Variants in LUC7L3 observed in about 807,000 individuals in gnomAD.
LUC7L3 encodes the protein luc7-like protein 3.
LUC7L3 carries 6 observed loss-of-function variants against 66.8 expected under a neutral mutation model. That is an observed-to-expected ratio of 0.09 (90% CI 0.05 to 0.18). LUC7L3 has a LOEUF of 0.18. LUC7L3 is among the 10% of genes least tolerant of loss of function. The probability of loss-of-function intolerance (pLI) is 1.00; values close to 1 mark genes in which losing one functional copy is unlikely to be tolerated. For missense variants in LUC7L3, 341 were observed against 531.1 expected (o/e 0.64, Z 3.52); for synonymous variants, 160 against 174.7 (o/e 0.92, Z 0.66).
At chr17:50,732,427 G>C (rs561385050) in intron 1 of LUC7L3, among the ~76,000 whole-genome samples, 3 of 152,174 alleles carry the variant, frequency 2.0e-5, no homozygotes, top group African/African-American at 4.8e-5. Flanking sequence ...TTTCACCCAG[G>C]CTGAAGTGCA....
rs993127926 is a variant in LUC7L3 at position 50,755,693 on chromosome 17, T to A, written c.*5032T>A. ...ATAAGTGGGTGTGCCATAACCTCTC[T>A]CGTAGCCATTCATTCCCGGATACAT... is the stretch of plus-strand genomic sequence containing the variant. On this transcript the variant is annotated 3_prime_UTR_variant, in exon 10 of 10. Coordinates refer to ENST00000505658, the MANE Select transcript of LUC7L3 (RefSeq NM_016424.5). The A allele has an allele frequency of 6.6e-6, 1 of 152,206 alleles. No homozygotes were observed. Among genetic ancestry groups the A allele is most frequent in the African/African-American group, 2.4e-5 (1 of 41,446 alleles). The allele number at this position is 152,206 out of a possible 1,614,324, so 9.4% of individuals were successfully genotyped here. A position where few individuals can be genotyped will look rare whatever the true frequency, so the allele number is the denominator to read the frequency against.
chr17:50,750,557 C>CT lies in LUC7L3; in HGVS notation c.1195_1196insT (p.Gln399LeufsTer3). 6.2e-7 allele frequency: 1 copy of CT among 1,613,928 alleles called. No homozygotes were observed. The highest frequency in any genetic ancestry group is 8.5e-7 in the Non-Finnish European group (1 of 1,179,968). On this transcript the variant is annotated frameshift_variant, in exon 10 of 10. Transcript: ENST00000505658. LOFTEE classifies it high-confidence loss of function. The stretch of plus-strand genomic sequence containing the variant: ...TGTGAAGTCCGGTAGTCGAGAAAAG[C>CT]AGAGTGAAGACACAAACACTGAATC...
intron 1 of LUC7L3, among the ~76,000 whole-genome samples, chr17:50,735,739 C>G (rs914424362): frequency 6.6e-6 from 1 of 152,164 alleles, no homozygotes; most frequent in Non-Finnish European, 1.5e-5. Context: ...CTAAAGTTAT[C>G]CTCCTGCCTT....
chr17:50,740,235 C>A, intron 2 of LUC7L3, 71 bp from the exon 3 acceptor site: 4 of 1,139,618 alleles, frequency 3.5e-6, no homozygotes, highest in South Asian at 2.8e-5. Context: ...AGAAAAATAA[C>A]TCTTTTTTTT....
intron 8 of LUC7L3, among the ~76,000 whole-genome samples, chr17:50,746,222 TTTACA>T: frequency 6.6e-6 from 1 of 152,190 alleles, no homozygotes; most frequent in Non-Finnish European, 1.5e-5. Context: ...ACCCAACCTT[TTTACA>T]AAGTTAGAGT....
intron 7 of LUC7L3, among the ~76,000 whole-genome samples, chr17:50,745,378 ATATTC>A (rs1306616460): frequency 2.0e-5 from 3 of 152,310 alleles, no homozygotes; most frequent in Middle Eastern, 3.4e-3. Context: ...AAAAATAACT[ATATTC>A]TAATATGGCT....
intron 1 of LUC7L3, among the ~76,000 whole-genome samples, chr17:50,735,519 C>T (rs1367540594): frequency 1.5e-5 from 2 of 136,198 alleles, no homozygotes; most frequent in African/African-American, 3.2e-5. Flanking sequence ...TTCTTTTTTT[C>T]AAGACAGGGT....
At chr17:50,744,626 T>C (rs1481224903) in intron 6 of LUC7L3, 26 bp from the exon 7 acceptor site, 1 of 1,596,668 alleles carries the variant, frequency 6.3e-7, no homozygotes, top group Admixed American at 1.8e-5. Context: ...TCAGATGTTC[T>C]TAAAATAACT....
chr17:50,751,895 G>A lies in LUC7L3; in HGVS notation c.*1234G>A. 9.8e-7 allele frequency: 1 copy of A among 1,017,448 alleles called. No homozygotes were observed. The highest frequency in any genetic ancestry group is 1.2e-6 in the Non-Finnish European group (1 of 849,112). 63.0% of individuals were successfully genotyped at this position (1,017,448 alleles called of 1,614,324 possible). ...TTAAAACCTGTAAACTTCATTCTGT[G>A]GGCTAGTGGTGTGGGACAAAATATT... On this transcript the variant is annotated 3_prime_UTR_variant, in exon 10 of 10. Transcript: ENST00000505658.
In LUC7L3 at chr17:50,719,681, T is replaced by A; in HGVS notation, c.-52T>A. 6.7e-7 allele frequency: 1 copy of A among 1,495,154 alleles called. No individual in the cohort carries two copies. The highest frequency in any genetic ancestry group is 9.2e-7 in the Non-Finnish European group (1 of 1,083,628). 92.6% of individuals were successfully genotyped at this position (1,495,154 alleles called of 1,614,324 possible). On this transcript the variant is annotated 5_prime_UTR_variant, in exon 1 of 10. Transcript: ENST00000505658. The stretch of plus-strand genomic sequence containing the variant: ...AGATTGGCGACGGTGTCGCCCGTGT[T>A]TTCGTTGGCGGGTGCCTGGGCTGGT...
intron 5 of LUC7L3, among the ~76,000 whole-genome samples, chr17:50,742,956 AAAG>A (rs1451404842): frequency 6.6e-6 from 1 of 152,210 alleles, no homozygotes; most frequent in Non-Finnish European, 1.5e-5. Flanking sequence ...AGGCTGAGTG[AAAG>A]AAGCCGGACA....
intron 1 of LUC7L3, among the ~76,000 whole-genome samples, chr17:50,735,574 T>C (rs1237598123): frequency 6.6e-6 from 1 of 152,038 alleles, no homozygotes; most frequent in African/African-American, 2.4e-5. Context: ...AGCACAATCA[T>C]GGCTCATTGC....
intron 7 of LUC7L3, 61 bp downstream of exon 7, chr17:50,744,874 C>A: frequency 1.4e-6 from 2 of 1,386,984 alleles, no homozygotes; most frequent in Admixed American, 2.1e-5. Context: ...TGCAGTGACG[C>A]GATCTCAGCT....
chr17:50,741,277 G>A (rs1237366642), intron 4 of LUC7L3, 31 bp downstream of exon 4: 6 of 1,601,562 alleles, frequency 3.7e-6, no homozygotes, highest in Non-Finnish European at 5.1e-6. Flanking sequence ...CTTTGTAAAC[G>A]GTCCTTGTTT....
intron 1 of LUC7L3, among the ~76,000 whole-genome samples, chr17:50,728,240 G>C (rs1453441926): frequency 1.3e-5 from 2 of 152,150 alleles, no homozygotes; most frequent in Non-Finnish European, 2.9e-5. Flanking sequence ...GTGGAAGATT[G>C]ATTGAAATTT....
chr17:50,720,169 G>A (rs372701367), intron 1 of LUC7L3, among the ~76,000 whole-genome samples: 34 of 152,344 alleles, frequency 2.2e-4, no homozygotes, highest in African/African-American at 7.5e-4. Flanking sequence ...AGGGAGAAGG[G>A]CACATTTTTC....
chr17:50,744,730 G>A lies in LUC7L3; in HGVS notation c.610G>A (p.Ala204Thr). 1 of 1,614,084 alleles carries A rather than the reference G, an allele frequency of 6.2e-7. No homozygotes were observed. The highest frequency in any genetic ancestry group is 8.5e-7 in the Non-Finnish European group (1 of 1,179,908). The change falls in exon 7 of 10, where the codon GCC becomes ACC. Residue 204 changes from alanine (A) to threonine (T), a missense_variant. By Grantham distance (58) the Ala-to-Thr change is moderately conservative. Around this residue, in one of 6 missense-constraint regions of LUC7L3, gnomAD observed 17 missense variants for 48.2 expected, o/e 0.35. Transcript: ENST00000505658. Reference protein sequence around the residue: ...VCGAFLIVGDAQSRVDDHLMG... With the variant: ...VCGAFLIVGDTQSRVDDHLMG... ...TGGAGCCTTTTTAATAGTAGGAGAT[G>A]CCCAGTCCCGGGTAGATGACCATTT...
rs1971063746 is a variant in LUC7L3, at chr17:50,753,976, A to C, written c.*3315A>C. ...ACATCTATGACTAAGGCCTGGCTTTAGTTATGGAGAGAGACGTAGAAGTTG... is the reference window on the plus strand; with the variant it reads ...ACATCTATGACTAAGGCCTGGCTTTCGTTATGGAGAGAGACGTAGAAGTTG... On this transcript the variant is annotated 3_prime_UTR_variant, in exon 10 of 10. Coordinates refer to ENST00000505658, the MANE Select transcript of LUC7L3 (RefSeq NM_016424.5). The C allele has an allele frequency of 6.6e-6, 1 of 152,154 alleles. No individual in the cohort carries two copies. The highest frequency in any genetic ancestry group is 1.5e-5 in the Non-Finnish European group (1 of 68,010). 9.4% of individuals were successfully genotyped at this position (152,154 alleles called of 1,614,324 possible).
chr17:50,749,441 A>G, intron 9 of LUC7L3: 1 of 1,073,538 alleles, frequency 9.3e-7, no homozygotes, highest in Non-Finnish European at 1.2e-6. Flanking sequence ...TGCTTTGTGT[A>G]TTATGCAAGT....
Sources: allele counts gnomAD v4.1 joint callset (sites outside exome capture counted in the v4.1 genomes callset), GRCh38; gene constraint gnomAD v4.1.1; regional missense constraint gnomAD v4.1.1; transcripts MANE v1.5; gene names NCBI Gene and HGNC (gene_info 2026-07-23, HGNC 2026-07-21).